ZNF573: variants seen among roughly 807,000 people sequenced by gnomAD.
The protein encoded by ZNF573 is zinc finger protein 573.
Under a neutral mutation model 57.4 loss-of-function variants are expected in ZNF573, and 41 were observed. The ratio of observed to expected loss-of-function variants is 0.71; its 90% CI spans 0.56 to 0.93. The LOEUF is 0.93. Ranked by LOEUF, ZNF573 falls within the 40% of genes least tolerant of loss-of-function variation. The pLI, the probability that ZNF573 is intolerant of heterozygous loss-of-function variation, is 0.00. For missense variants in ZNF573, 730 were observed against 794.8 expected, an observed-to-expected ratio of 0.92 and a Z score of 0.98; for synonymous variants, 249 against 261.0, an observed-to-expected ratio of 0.95 and a Z score of 0.44.
intron 1 of ZNF573, among the ~76,000 whole-genome samples, chr19:37,774,494 T>C (rs2045689814): frequency 6.6e-6 from 1 of 151,990 alleles, no homozygotes; most frequent in African/African-American, 2.4e-5. Context: ...GGTCAAAACA[T>C]GAGAGAGAAC....
chr19:37,743,268 C>T lies in ZNF573; in HGVS notation c.296-3074G>A, dbSNP rs1192445878. Among the ~76,000 whole-genome samples the T allele has an allele frequency of 1.6e-4, 23 of 139,522 alleles. 1 individual carries two copies. Among genetic ancestry groups the T allele is most frequent in the Admixed American group, 1.3e-3 (16 of 12,754 alleles). The allele number at this position is 139,522 out of a possible 152,430, so 91.5% of individuals were successfully genotyped here. A position where few individuals can be genotyped will look rare whatever the true frequency, so the allele number is the denominator to read the frequency against. ...GCGGGAGGTAGAGGTTGCAGTGAGCCGAGATCAAGCCACTGCACTCCAGCC... is the reference window on the plus strand; with the variant it reads ...GCGGGAGGTAGAGGTTGCAGTGAGCTGAGATCAAGCCACTGCACTCCAGCC... On this transcript the variant is annotated intron_variant, in intron 4 of 4. Coordinates refer to ENST00000536220, the MANE Select transcript of ZNF573 (RefSeq NM_001172690.2).
At chr19:37,769,953 T>A in intron 4 of ZNF573, 52 bp downstream of exon 4, 1 of 1,466,742 alleles carries the variant, frequency 6.8e-7, no homozygotes, top group South Asian at 1.2e-5. Flanking sequence ...GTCTCCTTTC[T>A]CTTACCACAT....
At chr19:37,759,447 AC>A (rs1351332195) in intron 4 of ZNF573, among the ~76,000 whole-genome samples, 2 of 152,118 alleles carry the variant, frequency 1.3e-5, no homozygotes, top group African/African-American at 4.8e-5. Context: ...TATAGTTTAG[AC>A]CAGGCGCGGT....
chr19:37,740,058 A>G lies in ZNF573; in HGVS notation c.432T>C (p.Ser144=). The change falls in exon 5 of 5, where the codon AGT becomes AGC. Residue 144 remains serine (S), a synonymous_variant. Transcript: ENST00000536220. ...YECKKCQKKF[S]SGYQLILHHR... is the part of the protein sequence containing the mutation. ...GATGTAGAATAAGTTGATAACCACT[A>G]CTAAATTTCTTCTGACATTTCTTAC... 6.2e-7 allele frequency: 1 copy of G among 1,614,134 alleles called. No individual in the cohort carries two copies. Among genetic ancestry groups the G allele is most frequent in the Non-Finnish European group, 8.5e-7 (1 of 1,179,994 alleles).
intron 1 of ZNF573, among the ~76,000 whole-genome samples, chr19:37,777,209 T>C (rs1486310603): frequency 6.6e-6 from 1 of 152,158 alleles, no homozygotes; most frequent in African/African-American, 2.4e-5. Flanking sequence ...GACAGGAGTC[T>C]CACCATGTTG....
chr19:37,748,812 A>C (rs1298250849), intron 4 of ZNF573, among the ~76,000 whole-genome samples: 1 of 151,744 alleles, frequency 6.6e-6, no homozygotes, highest in African/African-American at 2.4e-5. Context: ...CTGTAGTCCC[A>C]GCTAACTCGG....
chr19:37,762,834 C>T (rs963860311), intron 4 of ZNF573, among the ~76,000 whole-genome samples: 14 of 150,046 alleles, frequency 9.3e-5, no homozygotes, highest in Non-Finnish European at 1.5e-4. Context: ...TGCAGTGGTG[C>T]GATCTCGGCT....
At position 37,738,800 on chromosome 19, in the gene ZNF573, T is replaced by C. The variant is rs2145269297; in HGVS notation, c.1690A>G (p.Arg564Gly). The C allele has an allele frequency of 6.2e-7, 1 of 1,614,104 alleles. No individual in the cohort carries two copies. The highest frequency in any genetic ancestry group is 2.2e-5 in the East Asian group (1 of 44,878). The change falls in exon 5 of 5, where the codon AGA (arginine) becomes GGA (glycine). Residue 564 changes from arginine to glycine, a missense_variant. Transcript: ENST00000536220. ...TGTGCAGTAAGGTGTGAACTACGTC[T>C]AAAGGTCTTCCCACATTCCTTACAT... ...FECKECGKTFRRSSHLTAHQS... is the reference protein window; with the variant it reads ...FECKECGKTFGRSSHLTAHQS...
chr19:37,773,923 A>C (rs2045682642), intron 1 of ZNF573, among the ~76,000 whole-genome samples, 172 bp from the exon 2 acceptor site: 1 of 152,138 alleles, frequency 6.6e-6, no homozygotes, highest in Non-Finnish European at 1.5e-5. Context: ...CCAGCTATAC[A>C]AAGGTAGTTT....
chr19:37,766,552 T>C (rs1255000759), intron 4 of ZNF573, among the ~76,000 whole-genome samples: 1 of 152,250 alleles, frequency 6.6e-6, no homozygotes, highest in Non-Finnish European at 1.5e-5. Flanking sequence ...AACCTAGCTG[T>C]TTCCACTAAT....
At chr19:37,741,527 T>C (rs951161760) in intron 4 of ZNF573, among the ~76,000 whole-genome samples, 4 of 151,960 alleles carry the variant, frequency 2.6e-5, no homozygotes, top group Non-Finnish European at 4.4e-5. Context: ...TGGTTCAACA[T>C]ACGCAAATCG....
chr19:37,751,721 C>T (rs62654107), intron 4 of ZNF573, among the ~76,000 whole-genome samples: 10 of 136,212 alleles, frequency 7.3e-5, no homozygotes, highest in South Asian at 7.2e-4. Flanking sequence ...TACATAGTAC[C>T]GTATATATAC....
chr19:37,747,582 G>A (rs2045393327), intron 4 of ZNF573, among the ~76,000 whole-genome samples: 1 of 152,142 alleles, frequency 6.6e-6, no homozygotes, highest in South Asian at 2.1e-4. Context: ...GGAAAAAATA[G>A]TACATTTGGA....
chr19:37,775,789 C>T (rs74862090), intron 1 of ZNF573, among the ~76,000 whole-genome samples: 11,048 of 146,266 alleles, frequency 0.076, 562 homozygotes, highest in Non-Finnish European at 0.11. Flanking sequence ...TATATACCAA[C>T]ATCGGCTAAG....
At chr19:37,767,461 C>T (rs1337179341) in intron 4 of ZNF573, among the ~76,000 whole-genome samples, 2 of 152,122 alleles carry the variant, frequency 1.3e-5, no homozygotes, top group African/African-American at 4.8e-5. Flanking sequence ...TCTCGATCTG[C>T]TGACTTTGTG....
At chr19:37,751,751 C>T (rs1272328227) in intron 4 of ZNF573, among the ~76,000 whole-genome samples, 2 of 109,610 alleles carry the variant, frequency 1.8e-5, no homozygotes, top group Admixed American at 2.0e-4. Context: ...TACATAGTAC[C>T]GTATATACTG....
chr19:37,776,689 A>G (rs2145340302), intron 1 of ZNF573, among the ~76,000 whole-genome samples: 1 of 152,362 alleles, frequency 6.6e-6, no homozygotes. Context: ...TCAGCAGAGT[A>G]AACAGACAAC....
Position 37,739,692 on chromosome 19 carries a change from T to G in ZNF573, c.798A>C (p.Arg266Ser). ...TATATGGTTTTTCGCCAGTATGAAC[T>G]CTCTGATGAATTCTAAGATGTCCAC... is the stretch of plus-strand genomic sequence containing the variant. Reference protein sequence around the residue: ...SQGGHLRIHQRVHTGEKPYKC... With the variant: ...SQGGHLRIHQSVHTGEKPYKC... Residue 266 changes from arginine to serine, a missense_variant, in exon 5 of 5, where the codon AGA (arginine) becomes AGC (serine). Coordinates refer to ENST00000536220, the MANE Select transcript of ZNF573 (RefSeq NM_001172690.2). 5 of 1,613,788 alleles carry G rather than the reference T, an allele frequency of 3.1e-6. No homozygotes were observed. The highest frequency in any genetic ancestry group is 4.2e-6 in the Non-Finnish European group (5 of 1,179,886).
intron 4 of ZNF573, among the ~76,000 whole-genome samples, chr19:37,756,134 A>C (rs12981237): frequency 0.15 from 22,940 of 152,162 alleles, 2,087 homozygotes; most frequent in Non-Finnish European, 0.21. Flanking sequence ...GAGTTGTTAT[A>C]TCTCAGTAAA....
Sources: allele counts gnomAD v4.1 joint callset (sites outside exome capture counted in the v4.1 genomes callset), GRCh38; gene constraint gnomAD v4.1.1; transcripts MANE v1.5; gene names NCBI Gene and HGNC (gene_info 2026-07-23, HGNC 2026-07-21).